Variants in PLEKHA5 observed in about 807,000 individuals in gnomAD.
PLEKHA5 encodes pleckstrin homology domain-containing family A member 5.
PLEKHA5 carries 55 observed loss-of-function variants against 181.9 expected under a neutral mutation model. That is an observed-to-expected ratio of 0.30 (90% CI 0.24 to 0.38). The LOEUF (loss-of-function observed/expected upper bound fraction) is 0.38, where lower values mean the gene tolerates loss of function less well. Ranked by LOEUF, PLEKHA5 falls within the 10% of genes least tolerant of loss-of-function variation. The pLI is 1.00. For synonymous variants in PLEKHA5, 535 were observed against 529.4 expected (o/e 1.01, Z -0.15); for missense variants, 1,432 against 1,549.5 (o/e 0.92, Z 1.27).
chr12:19,357,078 A>G (rs1007715216), intron 26 of PLEKHA5, among the ~76,000 whole-genome samples: 3 of 152,162 alleles, frequency 2.0e-5, no homozygotes, highest in African/African-American at 7.2e-5. Flanking sequence ...TGTATAACTT[A>G]AAACATTACG....
At chr12:19,225,750 C>G (rs949224970) in intron 3 of PLEKHA5, among the ~76,000 whole-genome samples, 2 of 152,152 alleles carry the variant, frequency 1.3e-5, no homozygotes, top group Non-Finnish European at 2.9e-5. Flanking sequence ...TGTTTGTCTT[C>G]TGAACAAGTT....
At chr12:19,296,855 T>C (rs1336239221) in intron 15 of PLEKHA5, among the ~76,000 whole-genome samples, 1 of 152,208 alleles carries the variant, frequency 6.6e-6, no homozygotes, top group Non-Finnish European at 1.5e-5. Context: ...TTAATAGGAA[T>C]GGGGAAGTTG....
chr12:19,288,159 A>AAGTTGC, intron 13 of PLEKHA5: 1 of 266,398 alleles, frequency 3.8e-6, no homozygotes, highest in East Asian at 1.0e-4. Context: ...CTTAAAACAG[A>AAGTTGC]AGTTGCAGTA....
At chr12:19,282,082 C>T (rs1460937541) in intron 11 of PLEKHA5, among the ~76,000 whole-genome samples, 1 of 152,090 alleles carries the variant, frequency 6.6e-6, no homozygotes, top group Non-Finnish European at 1.5e-5. Flanking sequence ...GCGCCCGGCC[C>T]AAAGTGGTTT....
intron 3 of PLEKHA5, among the ~76,000 whole-genome samples, chr12:19,139,178 A>C (rs546179647): frequency 3.3e-5 from 5 of 152,312 alleles, no homozygotes; most frequent in African/African-American, 9.6e-5. Context: ...GGAGGTTGAC[A>C]GAAAAAAAGA....
chr12:19,142,741 A>G (rs2037776213), intron 3 of PLEKHA5, among the ~76,000 whole-genome samples: 2 of 152,168 alleles, frequency 1.3e-5, no homozygotes, highest in Non-Finnish European at 2.9e-5. Flanking sequence ...TCAGTCCTCT[A>G]CTGTAGTCTC....
At chr12:19,350,733 A>G (rs970724404) in intron 25 of PLEKHA5, among the ~76,000 whole-genome samples, 2 of 152,124 alleles carry the variant, frequency 1.3e-5, no homozygotes, top group African/African-American at 4.8e-5. Context: ...GTGCCACTGC[A>G]CTCCAGCCTA....
chr12:19,178,803 A>G lies in PLEKHA5; in HGVS notation c.227+46353A>G, dbSNP rs531188676. ...AATATGCAGTGATGTCTGTGGATTG[A>G]TTTCTTTAAAACAACAACAAAAATA... is the stretch of plus-strand genomic sequence containing the variant. On this transcript the variant is annotated intron_variant, in intron 3 of 31. Transcript: ENST00000429027. 2.6e-5 allele frequency among the ~76,000 whole-genome samples: 4 copies of G among 152,246 alleles called. No individual in the cohort carries two copies. The East Asian group carries it at 7.7e-4, about 29-fold the overall frequency.
intron 30 of PLEKHA5, among the ~76,000 whole-genome samples, chr12:19,366,612 C>T (rs1026984258): frequency 2.0e-5 from 3 of 152,122 alleles, no homozygotes; most frequent in African/African-American, 7.2e-5. Flanking sequence ...GAGATCGTGC[C>T]ACTGCACTCC....
At chr12:19,265,652 ATG>A (rs2070110159) in intron 7 of PLEKHA5, 96 bp from the exon 8 acceptor site, 1 of 681,906 alleles carries the variant, frequency 1.5e-6, no homozygotes, top group African/African-American at 1.8e-5. Flanking sequence ...TAGTTCATTT[ATG>A]TACAAGAACC....
chr12:19,315,219 A>C (rs1263632893), intron 16 of PLEKHA5, among the ~76,000 whole-genome samples: 2 of 152,174 alleles, frequency 1.3e-5, no homozygotes, highest in Non-Finnish European at 2.9e-5. Flanking sequence ...TATTAACTTT[A>C]AAAGCATTAT....
intron 3 of PLEKHA5, among the ~76,000 whole-genome samples, chr12:19,215,062 A>G (rs2057699698): frequency 6.6e-6 from 1 of 152,144 alleles, no homozygotes; most frequent in Non-Finnish European, 1.5e-5. Context: ...CTGTAATCCC[A>G]GCTACTCCAG....
At chr12:19,359,643 C>G (rs1565662348) in intron 28 of PLEKHA5, 97 bp downstream of exon 28, 1 of 1,219,254 alleles carries the variant, frequency 8.2e-7, no homozygotes. Flanking sequence ...TTCTTTCAGT[C>G]ACAGAGTCCA....
At chr12:19,154,030 A>G (rs192796186) in intron 3 of PLEKHA5, 2 of 152,258 alleles carry the variant, frequency 1.3e-5, no homozygotes, top group Non-Finnish European at 2.9e-5. Context: ...TTTTGAGTTT[A>G]TATTATCAGA....
chr12:19,307,879 G>C (rs993026167), intron 15 of PLEKHA5, among the ~76,000 whole-genome samples: 2 of 151,482 alleles, frequency 1.3e-5, no homozygotes. Context: ...AAAAAGTCTC[G>C]GTGTCCTAAA....
At chr12:19,232,282 T>C (rs1009302002) in intron 3 of PLEKHA5, among the ~76,000 whole-genome samples, 2 of 152,110 alleles carry the variant, frequency 1.3e-5, no homozygotes, top group African/African-American at 4.8e-5. Flanking sequence ...GTACTGGAAC[T>C]ACCTGAGTGA....
At chr12:19,242,386 G>A (rs539099159) in intron 3 of PLEKHA5, among the ~76,000 whole-genome samples, 2 of 151,922 alleles carry the variant, frequency 1.3e-5, no homozygotes, top group African/African-American at 4.8e-5. Flanking sequence ...CTACAGATGG[G>A]CGCCACTGCA....
At chr12:19,356,852 G>A (rs1030092390) in intron 26 of PLEKHA5, among the ~76,000 whole-genome samples, 1 of 151,694 alleles carries the variant, frequency 6.6e-6, no homozygotes, top group African/African-American at 2.4e-5. Flanking sequence ...GTAGACACAG[G>A]GTTTCACCAT....
In PLEKHA5 at chr12:19,165,436, T is replaced by TG. The variant is rs1565888622; in HGVS notation, c.227+32986_227+32987insG. Among the ~76,000 whole-genome samples the TG allele has an allele frequency of 4.9e-3, 714 of 147,024 alleles. 3 individuals are homozygous for TG. The highest frequency in any genetic ancestry group is 0.011 in the African/African-American group (456 of 40,420). Reference sequence around the variant, plus strand: ...TACCTCACCTCTTTTCTGTGTACTCTATTTTTTTTTTTTTTAATTTATGAA... The same window carrying TG: ...TACCTCACCTCTTTTCTGTGTACTCTGATTTTTTTTTTTTTTAATTTATGAA... On this transcript the variant is annotated intron_variant, in intron 3 of 31. Coordinates refer to ENST00000429027, the MANE Select transcript of PLEKHA5 (RefSeq NM_001256470.2).
Sources: gnomAD v4.1 joint callset for allele counts (sites outside exome capture counted in the v4.1 genomes callset) on GRCh38, gnomAD v4.1.1 for gene constraint, MANE v1.5 for transcripts, NCBI Gene and HGNC (gene_info 2026-07-23, HGNC 2026-07-21) for gene names.